RRP12: variants seen among roughly 807,000 people sequenced by gnomAD.
RRP12 encodes the protein ribosomal RNA processing 12 homolog, also known as RRP12-like protein.
A neutral mutation model predicts 157.3 loss-of-function variants in RRP12; 78 were observed. The ratio of observed to expected loss-of-function variants is 0.50; its 90% confidence interval spans 0.41 to 0.60. The LOEUF (loss-of-function observed/expected upper bound fraction) is 0.60, where lower values mean the gene tolerates loss of function less well. RRP12 is among the 20% of genes least tolerant of loss of function. The pLI, the probability that RRP12 is intolerant of heterozygous loss-of-function variation, is 0.00. For missense variants in RRP12, 1,521 were observed against 1,679.9 expected (o/e 0.91, Z 1.65); for synonymous variants, 726 against 670.9 (o/e 1.08, Z -1.27).
chr10:97,396,246 T>A lies in RRP12; in HGVS notation c.425A>T (p.Glu142Val), dbSNP rs776462944. Residue 142 changes from glutamate to valine, a missense_variant, in exon 3 of 34, where the codon GAG becomes GTG. Glu to Val is a moderately radical substitution (Grantham distance 121). Transcript: ENST00000370992. ...TEVIRSQGGK[E>V]TETEYFAALM... ...AGCAGCGAAGTACTCAGTCTCCGTCTCCTTCCCTCCCTGGGAGCGAATCAC... is the reference window on the plus strand; with the variant it reads ...AGCAGCGAAGTACTCAGTCTCCGTCACCTTCCCTCCCTGGGAGCGAATCAC... 6.2e-7 allele frequency: 1 copy of A among 1,613,714 alleles called. No homozygotes were observed. The highest frequency in any genetic ancestry group is 1.1e-5 in the South Asian group (1 of 91,074).
In RRP12 at chr10:97,379,290, T is replaced by C. The variant is rs959498619; in HGVS notation, c.1798+3A>G. 6.2e-7 allele frequency: 1 copy of C among 1,613,778 alleles called. No homozygotes were observed. The highest frequency in any genetic ancestry group is 1.3e-5 in the African/African-American group (1 of 75,044). ...GTCACACACAGGCAAGGGTCTCTCC[T>C]ACCTTTGCTCTTCAGGGTGTTAGCC... On this transcript the variant is annotated splice_donor_region_variant and intron_variant, in intron 15 of 33. Coordinates refer to ENST00000370992, the MANE Select transcript of RRP12 (RefSeq NM_015179.4).
At chr10:97,383,481 G>T (rs978860749) in intron 10 of RRP12, among the ~76,000 whole-genome samples, 9 of 151,330 alleles carry the variant, frequency 5.9e-5, no homozygotes, top group Non-Finnish European at 1.0e-4. Context: ...ACACGCCTGG[G>T]TGACAGCAGG....
At chr10:97,391,754 T>C (rs1564768515) in intron 4 of RRP12, among the ~76,000 whole-genome samples, 2 of 152,058 alleles carry the variant, frequency 1.3e-5, no homozygotes, top group African/African-American at 4.8e-5. Context: ...ACCCGGTCTC[T>C]ACTAAAAATA....
intron 20 of RRP12, 105 bp from the exon 21 acceptor site, chr10:97,371,186 G>T: frequency 8.1e-7 from 1 of 1,239,214 alleles, no homozygotes. Context: ...GGGGTCCGTG[G>T]GGGCTCATGT....
Position 97,368,001 on chromosome 10 carries a change from G to A in RRP12, c.2956-869C>T, listed in dbSNP as rs192686417. Among the ~76,000 whole-genome samples the A allele has an allele frequency of 4.6e-4, 69 of 150,602 alleles. No homozygotes were observed. In the East Asian group the frequency reaches 9.7e-3, roughly 21 times the overall value. On this transcript the variant is annotated intron_variant, in intron 25 of 33. Transcript: ENST00000370992. ...CCCACCTTGGCCTCCCAAAGTACTGGGATTACAGGTGTGAGCCACTGTGCC... is the reference window on the plus strand; with the variant it reads ...CCCACCTTGGCCTCCCAAAGTACTGAGATTACAGGTGTGAGCCACTGTGCC...
intron 19 of RRP12, among the ~76,000 whole-genome samples, chr10:97,372,384 C>T (rs1360869927): frequency 6.6e-6 from 1 of 152,210 alleles, no homozygotes; most frequent in Non-Finnish European, 1.5e-5. Context: ...CTAACTCCTT[C>T]AATCCTCATA....
intron 25 of RRP12, 119 bp downstream of exon 25, chr10:97,369,306 T>C (rs1844072815): frequency 9.3e-7 from 1 of 1,069,710 alleles, no homozygotes; most frequent in Non-Finnish European, 1.3e-6. Context: ...TAGGGCTCCT[T>C]AATGACCTCT....
At chr10:97,400,673 C>A in intron 1 of RRP12, 139 bp from the exon 2 acceptor site, 1 of 666,572 alleles carries the variant, frequency 1.5e-6, no homozygotes, top group South Asian at 1.9e-5. Context: ...CTCATAAAAC[C>A]ACTGTATGCC....
chr10:97,365,829 G>A, intron 29 of RRP12: 2 of 333,526 alleles, frequency 6.0e-6, no homozygotes. Context: ...AGGAGGAGGA[G>A]AAAAACAGAA....
intron 33 of RRP12, among the ~76,000 whole-genome samples, chr10:97,358,325 C>G (rs893071902): frequency 2.0e-5 from 3 of 151,792 alleles, no homozygotes; most frequent in Admixed American, 1.3e-4. Context: ...GAGCAAGACT[C>G]TGTCTCAAAA....
rs754210748 is a variant in RRP12, at chr10:97,385,885, C to A, written c.1116+10G>T. The A allele has an allele frequency of 1.3e-5, 21 of 1,586,718 alleles. No homozygotes were observed. The Admixed American group carries it at 1.4e-4, about 11-fold the overall frequency. On this transcript the variant is annotated intron_variant, in intron 9 of 33. Transcript: ENST00000370992. The stretch of plus-strand genomic sequence containing the variant: ...ACCTAATGCCCCCACATCCCACCAA[C>A]AGGCCTCACCGTGATGATCTGGGCG...
chr10:97,370,327 G>GT (rs1471680136), intron 23 of RRP12, 53 bp from the exon 24 acceptor site: 7 of 1,444,848 alleles, frequency 4.8e-6, no homozygotes, highest in Non-Finnish European at 6.7e-6. Flanking sequence ...CAGGTAGGGG[G>GT]GCTGAGGGCC....
chr10:97,381,772 C>A lies in RRP12; in HGVS notation c.1263G>T (p.Val421=). 6.2e-7 allele frequency: 1 copy of A among 1,614,152 alleles called. No homozygotes were observed. Among genetic ancestry groups the A allele is most frequent in the South Asian group, 1.1e-5 (1 of 91,068 alleles). ...GHLPRFFGTA[V]TCLLSPHSQV... The stretch of plus-strand genomic sequence containing the variant: ...GCGAGTGTGGGGAAAGGAGGCAGGT[C>A]ACCGCAGTTCCAAAAAAGCGAGGGA... The change falls in exon 11 of 34, where the codon GTG becomes GTT. Residue 421 remains valine (V), a synonymous_variant. Coordinates refer to ENST00000370992, the MANE Select transcript of RRP12 (RefSeq NM_015179.4).
intron 4 of RRP12, 127 bp from the exon 5 acceptor site, chr10:97,390,971 A>AGGCCGGGCGCGGTGGCTC: frequency 1.4e-6 from 1 of 698,342 alleles, no homozygotes; most frequent in East Asian, 2.6e-5. Context: ...AGTGAGCAAC[A>AGGCCGGGCGCGGTGGCTC]AAGTCAGAAT....
chr10:97,367,287 T>C (rs1014162048), intron 25 of RRP12, 155 bp from the exon 26 acceptor site: 1 of 638,476 alleles, frequency 1.6e-6, no homozygotes, highest in Non-Finnish European at 2.7e-6. Context: ...CCAGTCATGC[T>C]TCCCTCGGGT....
rs1465366615 is a variant in RRP12, at chr10:97,366,581, T to C, written c.3256A>G (p.Asn1086Asp). 19 of 1,613,826 alleles carry C rather than the reference T, an allele frequency of 1.2e-5. No individual in the cohort carries two copies. Among genetic ancestry groups the C allele is most frequent in the Non-Finnish European group, 1.5e-5 (18 of 1,179,994 alleles). Residue 1086 changes from asparagine to aspartate, a missense_variant, in exon 28 of 34, where the codon AAT becomes GAT. Coordinates refer to ENST00000370992, the MANE Select transcript of RRP12 (RefSeq NM_015179.4). ...CCTCGGCTTCTTTCCTCCTCCTCAT[T>C]GTCCTCCTCGTCCTCTGAGTCAGCT... ...ILADSEDEED[N>D]EEEERSRGKE...
chr10:97,366,004 G>A (rs1843965509), intron 29 of RRP12, 104 bp downstream of exon 29: 3 of 1,466,892 alleles, frequency 2.0e-6, no homozygotes, highest in Admixed American at 2.0e-5. Flanking sequence ...AAGCTGCCGA[G>A]AGAAGAGTTT....
At chr10:97,368,628 G>C (rs368782500) in intron 25 of RRP12, among the ~76,000 whole-genome samples, 300 of 152,330 alleles carry the variant, frequency 2.0e-3, no homozygotes, top group African/African-American at 7.1e-3. Flanking sequence ...AAAGTGGTGG[G>C]GTTACAGGTG....
chr10:97,397,454 G>T (rs983105268), intron 2 of RRP12, among the ~76,000 whole-genome samples: 1 of 152,024 alleles, frequency 6.6e-6, no homozygotes, highest in Non-Finnish European at 1.5e-5. Flanking sequence ...GAGCCACCTC[G>T]CCTGGTATAT....
Sources: gnomAD v4.1 joint callset for allele counts (sites outside exome capture counted in the v4.1 genomes callset) on GRCh38, gnomAD v4.1.1 for gene constraint, MANE v1.5 for transcripts, NCBI Gene and HGNC (gene_info 2026-07-23, HGNC 2026-07-21) for gene names.